SHANK1: variants seen among roughly 807,000 people sequenced by gnomAD.
SHANK1 encodes SH3 and multiple ankyrin repeat domains protein 1.
Under a neutral mutation model 165.6 loss-of-function variants are expected in SHANK1, and 35 were observed. That is an observed-to-expected ratio of 0.21 (90% CI 0.16 to 0.28). SHANK1 has a LOEUF of 0.28. Ranked by LOEUF, SHANK1 falls within the 10% of genes least tolerant of loss-of-function variation. The probability of loss-of-function intolerance (pLI) is 1.00; values close to 1 mark genes in which losing one functional copy is unlikely to be tolerated. For synonymous variants in SHANK1, 1,428 were observed against 1,384.8 expected (o/e 1.03, Z -0.69); for missense variants, 2,681 against 3,036.4 (o/e 0.88, Z 2.75).
At chr19:50,685,681 C>T (rs932721243) in intron 21 of SHANK1, among the ~76,000 whole-genome samples, 2 of 152,122 alleles carry the variant, frequency 1.3e-5, no homozygotes, top group East Asian at 3.9e-4. Flanking sequence ...CCAAGCTTGC[C>T]CCACTGCACT....
Position 50,718,169 on chromosome 19 carries a change from G to A in SHANK1, c.-43-1207C>T, listed in dbSNP as rs950600044. On this transcript the variant is annotated intron_variant, in intron 1 of 23. Transcript: ENST00000293441. The surrounding 1 kb of genome is among the most constrained non-coding windows in gnomAD (Gnocchi z 5.1). The stretch of plus-strand genomic sequence containing the variant: ...GGAAGACTAAATGTGTGTGGTGGGA[G>A]GAGAGTTCCAGGAGGTGTGGGCGAG... 6.6e-6 allele frequency among the ~76,000 whole-genome samples: 1 copy of A among 152,164 alleles called. No homozygotes were observed. Among genetic ancestry groups the A allele is most frequent in the African/African-American group, 2.4e-5 (1 of 41,422 alleles).
chr19:50,710,729 C>A (rs2123195124), intron 8 of SHANK1, among the ~76,000 whole-genome samples: 1 of 152,332 alleles, frequency 6.6e-6, no homozygotes, highest in African/African-American at 2.4e-5. Flanking sequence ...ATTGCTAAAA[C>A]TCCCATCCCA....
chr19:50,714,037 C>G, intron 5 of SHANK1, 88 bp from the exon 6 acceptor site: 1 of 1,567,614 alleles, frequency 6.4e-7, no homozygotes, highest in Non-Finnish European at 8.7e-7. Context: ...CTCTCCACCC[C>G]ACAGCCTCTG....
Position 50,667,900 on chromosome 19 carries a change from C to T in SHANK1, c.4060G>A (p.Gly1354Arg). 1 of 1,337,390 alleles carries T rather than the reference C, an allele frequency of 7.5e-7. No homozygotes were observed. 82.8% of individuals were successfully genotyped at this position (1,337,390 alleles called of 1,614,324 possible). Residue 1354 changes from glycine to arginine, a missense_variant, in exon 23 of 24, where the codon GGG (glycine) becomes AGG (arginine). Gly to Arg is a moderately radical substitution (Grantham distance 125). Coordinates refer to ENST00000293441, the MANE Select transcript of SHANK1 (RefSeq NM_016148.5). The surrounding 1 kb of genome is among the most constrained non-coding windows in gnomAD (Gnocchi z 5.7). ...GKALDPASPL[G>R]LALAARERAL... is the part of the protein sequence containing the mutation. ...CGCTCGCGGGCGGCCAGGGCCAGCCCCAGCGGGGAGGCGGGATCCAGGGCC... is the reference window on the plus strand; with the variant it reads ...CGCTCGCGGGCGGCCAGGGCCAGCCTCAGCGGGGAGGCGGGATCCAGGGCC...
Position 50,669,659 on chromosome 19 carries a change from C to T in SHANK1, c.2675-374G>A, listed in dbSNP as rs143986512. Among the ~76,000 whole-genome samples the T allele has an allele frequency of 1.4e-3, 212 of 152,184 alleles. 1 individual carries two copies. Among genetic ancestry groups the T allele is most frequent in the African/African-American group, 4.8e-3 (201 of 41,514 alleles). On this transcript the variant is annotated intron_variant, in intron 22 of 23. Transcript: ENST00000293441. ...GTCCCCTCGTGTTTATGCATAGATGCGTGTTTCTTTTCACGTATATGCGGG... is the reference window on the plus strand; with the variant it reads ...GTCCCCTCGTGTTTATGCATAGATGTGTGTTTCTTTTCACGTATATGCGGG...
chr19:50,703,146 T>G (rs907238661), intron 11 of SHANK1, among the ~76,000 whole-genome samples: 1 of 145,934 alleles, frequency 6.9e-6, no homozygotes, highest in Non-Finnish European at 1.5e-5. Flanking sequence ...CCCTCCAGAG[T>G]GACCTCTCTG....
chr19:50,662,779 AG>A lies in SHANK1; in HGVS notation c.5769-98del. The A allele has an allele frequency of 7.5e-7, 1 of 1,338,132 alleles. No individual in the cohort carries two copies. Among genetic ancestry groups the A allele is most frequent in the East Asian group, 2.5e-5 (1 of 39,228 alleles). 82.9% of individuals were successfully genotyped at this position (1,338,132 alleles called of 1,614,324 possible). A position where few individuals can be genotyped will look rare whatever the true frequency, so the allele number is the denominator to read the frequency against. ...AGAGGTCAAGATATAGGGAGAGAGG[AG>A]GAGAGACATAAGGGTAGGGGGAGAG... On this transcript the variant is annotated intron_variant, in intron 23 of 23. Transcript: ENST00000293441. The surrounding 1 kb of genome is among the most constrained non-coding windows in gnomAD (Gnocchi z 7.7).
chr19:50,659,856 C>A lies in SHANK1; in HGVS notation c.*2109G>T, dbSNP rs1985124487. 6.8e-6 allele frequency among the ~76,000 whole-genome samples: 1 copy of A among 147,450 alleles called. No homozygotes were observed. Among genetic ancestry groups the A allele is most frequent in the Non-Finnish European group, 1.5e-5 (1 of 66,870 alleles). ...CCTTGATAGACGGGCGCCGCGCAGG[C>A]CCCCTGCGGACTGGGGGCATCCGAC... On this transcript the variant is annotated 3_prime_UTR_variant, in exon 24 of 24. Coordinates refer to ENST00000293441, the MANE Select transcript of SHANK1 (RefSeq NM_016148.5).
rs751505078 is a variant in SHANK1 at position 50,697,977 on chromosome 19, T to C, written c.1748-21A>G. On this transcript the variant is annotated intron_variant, in intron 12 of 23. Coordinates refer to ENST00000293441, the MANE Select transcript of SHANK1 (RefSeq NM_016148.5). The surrounding 1 kb of genome is among the most constrained non-coding windows in gnomAD (Gnocchi z 4.7). ...AAGTACTGGATGGGGAACGGGGACA[T>C]AGAGACATTTCTGTGTTTCTGTGCT... is the stretch of plus-strand genomic sequence containing the variant. The C allele has an allele frequency of 3.0e-5, 46 of 1,538,034 alleles. 3 individuals are homozygous for C. The South Asian group carries it at 5.1e-4, about 17-fold the overall frequency.
Position 50,689,005 on chromosome 19 carries a change from G to C in SHANK1, c.2048-37C>G, listed in dbSNP as rs568567109. 634 of 1,453,638 alleles carry C rather than the reference G, an allele frequency of 4.4e-4. 8 individuals are homozygous for C. In the South Asian group the frequency reaches 7.4e-3, roughly 17 times the overall value. 90.0% of individuals were successfully genotyped at this position (1,453,638 alleles called of 1,614,324 possible). ...GAGGAGCCGGCGGGGTCGGAGGGGA[G>C]GGGGTGGAGAGGCCGAGCAGGGGAT... On this transcript the variant is annotated intron_variant, in intron 16 of 23. Coordinates refer to ENST00000293441, the MANE Select transcript of SHANK1 (RefSeq NM_016148.5).
At position 50,702,577 on chromosome 19, in the gene SHANK1, C is replaced by A. The variant is rs1254181821; in HGVS notation, c.1637G>T (p.Arg546Met). ...GPGGSLGSRG[R>M]RRKLYSAVPG... ...TACCGCTGAGTAGAGCTTCCTCCGC[C>A]TCCCGCGGCTGCCCAGGGAGCCCCC... The change falls in exon 12 of 24, where the codon AGG (arginine) becomes ATG (methionine). Residue 546 changes from arginine (R) to methionine (M), a missense_variant. Around this residue, in one of 10 missense-constraint regions of SHANK1, gnomAD observed 195 missense variants for 186.2 expected, o/e 1.05. Transcript: ENST00000293441. The surrounding 1 kb of genome is among the most constrained non-coding windows in gnomAD (Gnocchi z 5.3). The A allele has an allele frequency of 1.2e-6, 2 of 1,609,946 alleles. No homozygotes were observed. Among genetic ancestry groups the A allele is most frequent in the South Asian group, 2.2e-5 (2 of 90,542 alleles).
intron 21 of SHANK1, among the ~76,000 whole-genome samples, chr19:50,682,488 G>C (rs1239602586): frequency 6.6e-6 from 1 of 152,230 alleles, no homozygotes; most frequent in African/African-American, 2.4e-5. Flanking sequence ...AGAAAACTGA[G>C]ATGCAGAGAA....
intron 19 of SHANK1, chr19:50,687,130 G>A: frequency 1.2e-6 from 1 of 832,084 alleles, no homozygotes; most frequent in Non-Finnish European, 1.8e-6. Context: ...GCCTCCCTCG[G>A]GGCCCCGGGG....
rs1986525655 is a variant in SHANK1, at chr19:50,691,125, AGGTGTT to A, written c.1965-1852_1965-1847del. Reference sequence around the variant, plus strand: ...CCATGTCTTCCTCCCCTGGATAGAGAGGTGTTGGCAGAGAAGGAGGGAAGGGGCTGA... The same window carrying A: ...CCATGTCTTCCTCCCCTGGATAGAGAGGCAGAGAAGGAGGGAAGGGGCTGA... On this transcript the variant is annotated intron_variant, in intron 15 of 23. Transcript: ENST00000293441. 2.0e-5 allele frequency among the ~76,000 whole-genome samples: 3 copies of A among 151,886 alleles called. No homozygotes were observed. The South Asian group carries it at 6.3e-4, about 32-fold the overall frequency.
Position 50,667,974 on chromosome 19 carries a change from A to G in SHANK1, c.3986T>C (p.Phe1329Ser). The change falls in exon 23 of 24, where the codon TTC becomes TCC. Residue 1329 changes from phenylalanine (F) to serine (S), a missense_variant. Transcript: ENST00000293441. The surrounding 1 kb of genome is among the most constrained non-coding windows in gnomAD (Gnocchi z 5.7). ...GGGTCGCGGGGGCAGGAAGCTGGTGAAGGCGCTGCTGCCCCCGCCACCCCC... is the reference window on the plus strand; with the variant it reads ...GGGTCGCGGGGGCAGGAAGCTGGTGGAGGCGCTGCTGCCCCCGCCACCCCC... The part of the protein sequence containing the change: ...AYGGGGGSSA[F>S]TSFLPPRPLV... 1 of 1,441,654 alleles carries G rather than the reference A, an allele frequency of 6.9e-7. No individual in the cohort carries two copies. The allele number at this position is 1,441,654 out of a possible 1,614,324, so 89.3% of individuals were successfully genotyped here. A position where few individuals can be genotyped will look rare whatever the true frequency, so the allele number is the denominator to read the frequency against.
chr19:50,671,849 G>C (rs1478053920), intron 22 of SHANK1, among the ~76,000 whole-genome samples, 169 bp downstream of exon 22: 1 of 152,138 alleles, frequency 6.6e-6, no homozygotes, highest in African/African-American at 2.4e-5. Context: ...AGGGGAGCCA[G>C]GATTCATGGC....
chr19:50,692,755 C>T (rs1046672331), intron 15 of SHANK1, among the ~76,000 whole-genome samples: 2 of 151,624 alleles, frequency 1.3e-5, no homozygotes, highest in Non-Finnish European at 2.9e-5. Context: ...CCTCTCTGCA[C>T]CTCACTCCCT....
intron 4 of SHANK1, 128 bp downstream of exon 4, chr19:50,715,531 G>A: frequency 1.2e-6 from 1 of 828,420 alleles, no homozygotes; most frequent in South Asian, 1.4e-5. Flanking sequence ...CGGGGGCAGT[G>A]GCCAGAGGGA....
rs546906062 is a variant in SHANK1, at chr19:50,670,038, G to A, written c.2675-753C>T. ...CTGCCTTTCTGCTGTCGACGCCCAC[G>A]TTTATGCCTGGGGCCCCATCCTCCG... On this transcript the variant is annotated intron_variant, in intron 22 of 23. Transcript: ENST00000293441. This position sits in a 1 kb window ranked among gnomAD's most constrained non-coding sequence, Gnocchi z 4.1. Among the ~76,000 whole-genome samples the A allele has an allele frequency of 6.6e-6, 1 of 152,196 alleles. No individual in the cohort carries two copies. The highest frequency in any genetic ancestry group is 2.1e-4 in the South Asian group (1 of 4,826).
Sources: gnomAD v4.1 joint callset for allele counts (sites outside exome capture counted in the v4.1 genomes callset) on GRCh38, gnomAD v4.1.1 for gene constraint, gnomAD v4.1.1 regional missense constraint, Gnocchi (gnomAD v3.1) non-coding constraint, MANE v1.5 for transcripts, NCBI Gene and HGNC (gene_info 2026-07-23, HGNC 2026-07-21) for gene names.